The following CCDC175 variants were observed in gnomAD, a reference collection of about 807,000 sequenced individuals.
CCDC175 encodes coiled-coil domain containing 175.
Under a neutral mutation model 114.6 loss-of-function variants are expected in CCDC175, and 100 were observed. The observed-to-expected ratio is 0.87, with a 90% confidence interval of 0.74 to 1.03. The LOEUF is 1.03. CCDC175 is among the 50% of genes least tolerant of loss of function. CCDC175 has a pLI of 0.00. For missense variants in CCDC175, 880 were observed against 917.8 expected (o/e 0.96, Z 0.53); for synonymous variants, 306 against 308.7 (o/e 0.99, Z 0.09).
At position 59,568,226 on chromosome 14, in the gene CCDC175, T is replaced by C. The variant is rs1896663368; in HGVS notation, c.491+19A>G. 1.3e-6 allele frequency: 2 copies of C among 1,517,220 alleles called. No homozygotes were observed. Among genetic ancestry groups the C allele is most frequent in the Admixed American group, 4.5e-5 (2 of 44,794 alleles). The allele number at this position is 1,517,220 out of a possible 1,614,324, so 94.0% of individuals were successfully genotyped here. ...CTCAGACCCCTGCTCCCTCAAATACTGAATATAAGAATACCTACCCCAGAG... is the reference window on the plus strand; with the variant it reads ...CTCAGACCCCTGCTCCCTCAAATACCGAATATAAGAATACCTACCCCAGAG... On this transcript the variant is annotated intron_variant, in intron 4 of 19. Coordinates refer to ENST00000537690, the MANE Select transcript of CCDC175 (RefSeq NM_001164399.2).
chr14:59,536,780 T>C (rs537560024), intron 13 of CCDC175, among the ~76,000 whole-genome samples: 1 of 152,284 alleles, frequency 6.6e-6, no homozygotes, highest in African/African-American at 2.4e-5. Context: ...TTGATCATAG[T>C]ATTTTGTTTG....
chr14:59,542,225 C>T (rs1229414880), intron 10 of CCDC175, among the ~76,000 whole-genome samples: 1 of 152,214 alleles, frequency 6.6e-6, no homozygotes, highest in Non-Finnish European at 1.5e-5. Context: ...CTTGATTTCA[C>T]TTTCATGCCC....
At chr14:59,517,264 C>G (rs1893146820) in intron 17 of CCDC175, among the ~76,000 whole-genome samples, 1 of 152,144 alleles carries the variant, frequency 6.6e-6, no homozygotes, top group South Asian at 2.1e-4. Flanking sequence ...TGGTACAAGA[C>G]AGGGATGCCC....
intron 8 of CCDC175, among the ~76,000 whole-genome samples, chr14:59,546,242 A>C (rs1595040047): frequency 2.0e-5 from 3 of 152,226 alleles, no homozygotes; most frequent in Admixed American, 6.5e-5. Context: ...GCATATTCTC[A>C]TTTATAAGTA....
chr14:59,527,029 C>G, intron 15 of CCDC175, 66 bp downstream of exon 15: 1 of 825,368 alleles, frequency 1.2e-6, no homozygotes, highest in East Asian at 3.1e-5. Flanking sequence ...CAGGTAAATA[C>G]TACCATCTGT....
At position 59,540,604 on chromosome 14, in the gene CCDC175, C is replaced by T. The variant is rs998089846; in HGVS notation, c.1355+71G>A. Reference sequence around the variant, plus strand: ...GTAACAACAAGTACTCTGCACTGTTCATTAAGATAACATATACTGCTGATA... The same window carrying T: ...GTAACAACAAGTACTCTGCACTGTTTATTAAGATAACATATACTGCTGATA... On this transcript the variant is annotated intron_variant, in intron 11 of 19. Transcript: ENST00000537690. 3 of 1,416,876 alleles carry T rather than the reference C, an allele frequency of 2.1e-6. No individual in the cohort carries two copies. In the South Asian group the frequency reaches 4.0e-5, roughly 19 times the overall value. 87.8% of individuals were successfully genotyped at this position (1,416,876 alleles called of 1,614,324 possible). A position where few individuals can be genotyped will look rare whatever the true frequency, so the allele number is the denominator to read the frequency against.
At chr14:59,523,085 G>T (rs901526578) in intron 16 of CCDC175, among the ~76,000 whole-genome samples, 3 of 152,166 alleles carry the variant, frequency 2.0e-5, no homozygotes. Flanking sequence ...TTCATAATCA[G>T]TCTTTCATCC....
chr14:59,519,983 G>GTCT (rs1893329138), intron 17 of CCDC175, among the ~76,000 whole-genome samples: 1 of 152,224 alleles, frequency 6.6e-6, no homozygotes, highest in South Asian at 2.1e-4. Context: ...GAATGAGTGA[G>GTCT]TCTTCAGATG....
chr14:59,539,168 T>C (rs888555952), intron 11 of CCDC175, among the ~76,000 whole-genome samples: 4 of 152,126 alleles, frequency 2.6e-5, no homozygotes, highest in African/African-American at 7.2e-5. Flanking sequence ...CAGGCAGAAA[T>C]AGTAATAGAA....
At position 59,543,467 on chromosome 14, in the gene CCDC175, AC is replaced by A; in HGVS notation, c.1173-14del. ...CTGTTTCTGATTTCTATCATGAAAA[AC>A]AGAGTTATTTGTTGAAGGCTGACAT... is the stretch of plus-strand genomic sequence containing the variant. On this transcript the variant is annotated splice_polypyrimidine_tract_variant and intron_variant, in intron 9 of 19. Transcript: ENST00000537690. 8.7e-7 allele frequency: 1 copy of A among 1,149,922 alleles called. No individual in the cohort carries two copies. Among genetic ancestry groups the A allele is most frequent in the South Asian group, 1.6e-5 (1 of 61,300 alleles). The allele number at this position is 1,149,922 out of a possible 1,614,324, so 71.2% of individuals were successfully genotyped here. A position where few individuals can be genotyped will look rare whatever the true frequency, so the allele number is the denominator to read the frequency against.
At chr14:59,532,707 G>A (rs2140009832) in intron 13 of CCDC175, among the ~76,000 whole-genome samples, 1 of 152,216 alleles carries the variant, frequency 6.6e-6, no homozygotes, top group Middle Eastern at 3.4e-3. Context: ...CCCTCCCCTG[G>A]CCAGAGGAGA....
chr14:59,553,843 C>A (rs1383159349), intron 7 of CCDC175, among the ~76,000 whole-genome samples: 1 of 151,986 alleles, frequency 6.6e-6, no homozygotes, highest in Non-Finnish European at 1.5e-5. Context: ...GACTTTAAAC[C>A]AACAAAGATC....
At chr14:59,527,688 T>C (rs11628241) in intron 14 of CCDC175, among the ~76,000 whole-genome samples, 59,029 of 151,496 alleles carry the variant, frequency 0.39, 12,246 homozygotes, top group African/African-American at 0.52. Flanking sequence ...TGCTCAGTGT[T>C]TCATGTACAT....
chr14:59,535,931 T>G (rs1894367092), intron 13 of CCDC175, among the ~76,000 whole-genome samples: 1 of 152,136 alleles, frequency 6.6e-6, no homozygotes, highest in Non-Finnish European at 1.5e-5. Flanking sequence ...AGTCAGTGAC[T>G]AAGCAAGGAG....
Position 59,540,780 on chromosome 14 carries a change from T to A in CCDC175, c.1284-34A>T, listed in dbSNP as rs978172049. On this transcript the variant is annotated intron_variant, in intron 10 of 19. Transcript: ENST00000537690. ...AAAAACATATTGGATTTTGCATTTA[T>A]GGGAGCTGTTAGAATATACAATAGA... 9 of 1,490,940 alleles carry A rather than the reference T, an allele frequency of 6.0e-6. No individual in the cohort carries two copies. The African/African-American group carries it at 9.8e-5, about 16-fold the overall frequency. 92.4% of individuals were successfully genotyped at this position (1,490,940 alleles called of 1,614,324 possible).
chr14:59,510,161 G>A (rs1057064785), intron 19 of CCDC175, among the ~76,000 whole-genome samples: 4 of 152,074 alleles, frequency 2.6e-5, no homozygotes, highest in African/African-American at 7.2e-5. Flanking sequence ...AAGCTGATAC[G>A]CCTCTGGAGA....
Position 59,510,802 on chromosome 14 carries a change from C to T in CCDC175, c.2149G>A (p.Val717Met), listed in dbSNP as rs1218530069. The change falls in exon 19 of 20, where the codon GTG becomes ATG. Residue 717 changes from valine (V) to methionine (M), a missense_variant. Coordinates refer to ENST00000537690, the MANE Select transcript of CCDC175 (RefSeq NM_001164399.2). ...AEFQTTVKILVDNGEETLQDI... is the reference protein window; with the variant it reads ...AEFQTTVKILMDNGEETLQDI... ...TGCAAGGTCTCTTCACCATTGTCCA[C>T]CAAGATCTAAAGAAATGGCATTTTA... 1.3e-6 allele frequency: 2 copies of T among 1,535,734 alleles called. No homozygotes were observed. The highest frequency in any genetic ancestry group is 1.7e-6 in the Non-Finnish European group (2 of 1,145,852).
intron 4 of CCDC175, among the ~76,000 whole-genome samples, chr14:59,566,031 C>T (rs938380655): frequency 5.3e-5 from 8 of 152,164 alleles, no homozygotes; most frequent in African/African-American, 1.9e-4. Context: ...TATAGCCCTG[C>T]AGGCAGGGCC....
At chr14:59,549,889 T>C (rs1270763009) in intron 8 of CCDC175, among the ~76,000 whole-genome samples, 1 of 152,006 alleles carries the variant, frequency 6.6e-6, no homozygotes, top group Non-Finnish European at 1.5e-5. Flanking sequence ...GTATAAGTAA[T>C]TAAATGGGAT....
Sources: allele counts gnomAD v4.1 joint callset (sites outside exome capture counted in the v4.1 genomes callset), GRCh38; gene constraint gnomAD v4.1.1; transcripts MANE v1.5; gene names NCBI Gene and HGNC (gene_info 2026-07-23, HGNC 2026-07-21).